TRAK2: variants seen among roughly 807,000 people sequenced by gnomAD.
The protein encoded by TRAK2 is trafficking kinesin protein 2, also known as trafficking kinesin-binding protein 2.
Under a neutral mutation model 104.6 loss-of-function variants are expected in TRAK2, and 81 were observed. The observed-to-expected ratio is 0.77, with a 90% CI of 0.65 to 0.93. The LOEUF (loss-of-function observed/expected upper bound fraction) is 0.93, where lower values mean the gene tolerates loss of function less well. Among genes scored for constraint, TRAK2 ranks in the 40% least tolerant of loss-of-function variants. The pLI is 0.00. For synonymous variants in TRAK2, 406 were observed against 394.4 expected (o/e 1.03, Z -0.35); for missense variants, 1,002 against 1,089.0 (o/e 0.92, Z 1.12).
At chr2:201,382,781 C>T (rs1951355674) in intron 15 of TRAK2, among the ~76,000 whole-genome samples, 2 of 152,148 alleles carry the variant, frequency 1.3e-5, no homozygotes, top group African/African-American at 4.8e-5. Context: ...GGATCATAAT[C>T]TTATTTCCCT....
At chr2:201,411,109 CAGA>C (rs1210466434) in intron 2 of TRAK2, 2 of 1,016,460 alleles carry the variant, frequency 2.0e-6, no homozygotes, top group African/African-American at 1.6e-5. Flanking sequence ...GTACTTGAAG[CAGA>C]AGGTTTAGGG....
intron 1 of TRAK2, among the ~76,000 whole-genome samples, chr2:201,434,697 A>G (rs1470303259): frequency 1.3e-5 from 2 of 152,258 alleles, no homozygotes; most frequent in Non-Finnish European, 2.9e-5. Flanking sequence ...AATAAGCAAT[A>G]TCAACATGTT....
At chr2:201,425,331 CA>C (rs1426465936) in intron 1 of TRAK2, among the ~76,000 whole-genome samples, 3 of 152,192 alleles carry the variant, frequency 2.0e-5, no homozygotes, top group Non-Finnish European at 4.4e-5. Context: ...GTAAACTAAA[CA>C]ACAGACTTCT....
chr2:201,407,796 G>T (rs1417069928), intron 2 of TRAK2, among the ~76,000 whole-genome samples, 199 bp from the exon 3 acceptor site: 1 of 151,262 alleles, frequency 6.6e-6, no homozygotes, highest in Non-Finnish European at 1.5e-5. Flanking sequence ...TTTAGTAAGA[G>T]AACTTCTAAA....
intron 1 of TRAK2, among the ~76,000 whole-genome samples, chr2:201,451,116 A>C (rs930034492): frequency 2.6e-5 from 4 of 152,226 alleles, no homozygotes; most frequent in African/African-American, 9.6e-5. Context: ...TCAGATGTGC[A>C]GCTGGGCTGA....
chr2:201,429,507 C>T (rs1356619952), intron 1 of TRAK2, among the ~76,000 whole-genome samples: 2 of 152,214 alleles, frequency 1.3e-5, no homozygotes, highest in East Asian at 1.9e-4. Flanking sequence ...ACCAATCACA[C>T]GTAGATTTGG....
At position 201,378,140 on chromosome 2, in the gene TRAK2, G is replaced by A. The variant is rs1186871307; in HGVS notation, c.*2403C>T. 6.6e-6 allele frequency: 1 copy of A among 152,026 alleles called. No homozygotes were observed. Among genetic ancestry groups the A allele is most frequent in the Non-Finnish European group, 1.5e-5 (1 of 68,000 alleles). The allele number at this position is 152,026 out of a possible 1,614,324, so 9.4% of individuals were successfully genotyped here. Reference sequence around the variant, plus strand: ...AGTTTTAAGACAGGATTCCTTTCTAGAGACATTACACAACAGTATACACTT... The same window carrying A: ...AGTTTTAAGACAGGATTCCTTTCTAAAGACATTACACAACAGTATACACTT... On this transcript the variant is annotated 3_prime_UTR_variant, in exon 16 of 16. Transcript: ENST00000332624.
At chr2:201,407,887 T>C (rs940746255) in intron 2 of TRAK2, among the ~76,000 whole-genome samples, 5 of 152,212 alleles carry the variant, frequency 3.3e-5, no homozygotes, top group Admixed American at 2.0e-4. Context: ...AATATATTTA[T>C]GGGGTACATG....
At chr2:201,430,055 G>C (rs186841955) in intron 1 of TRAK2, among the ~76,000 whole-genome samples, 74 of 152,284 alleles carry the variant, frequency 4.9e-4, no homozygotes, top group Admixed American at 1.2e-3. Flanking sequence ...ACAGTCAGGA[G>C]CCTCAGCTGC....
At chr2:201,383,309 G>T (rs1164384367) in intron 15 of TRAK2, among the ~76,000 whole-genome samples, 1 of 152,162 alleles carries the variant, frequency 6.6e-6, no homozygotes, top group Non-Finnish European at 1.5e-5. Flanking sequence ...ATCTTAGGGT[G>T]AGCCAGGCCA....
At chr2:201,399,331 TAA>T in intron 5 of TRAK2, 44 bp downstream of exon 5, 1 of 1,369,312 alleles carries the variant, frequency 7.3e-7, no homozygotes, top group Non-Finnish European at 1.0e-6. Context: ...TTCAATTGCA[TAA>T]AACCTAATTA....
intron 15 of TRAK2, 106 bp from the exon 16 acceptor site, chr2:201,381,324 T>G: frequency 9.4e-7 from 1 of 1,061,780 alleles, no homozygotes; most frequent in Non-Finnish European, 1.3e-6. Flanking sequence ...AAATATAAAG[T>G]AACAGGCAAC....
intron 2 of TRAK2, chr2:201,412,963 C>T (rs1951660906): frequency 1.3e-6 from 1 of 769,772 alleles, no homozygotes. Context: ...GTTCTGTACA[C>T]AACACCAAGC....
rs148327247 is a variant in TRAK2, at chr2:201,387,711, G to T, written c.1688C>A (p.Pro563His). 5.1e-5 allele frequency: 81 copies of T among 1,602,262 alleles called. No individual in the cohort carries two copies. The highest frequency in any genetic ancestry group is 6.5e-5 in the Non-Finnish European group (76 of 1,173,228). Reference sequence around the variant, plus strand: ...CCTTACTGATTTATTACCTTCAAGGGGCTTGACAATTTGTAATTTTTCTGG... The same window carrying T: ...CCTTACTGATTTATTACCTTCAAGGTGCTTGACAATTTGTAATTTTTCTGG... ...FMPEKLQIVKPLEGSQTLYHW... is the reference protein window; with the variant it reads ...FMPEKLQIVKHLEGSQTLYHW... The change falls in exon 13 of 16, where the codon CCC becomes CAC. Residue 563 changes from proline to histidine, a missense_variant. Pro to His is a moderately conservative substitution (Grantham distance 77). Transcript: ENST00000332624.
chr2:201,443,081 A>G (rs1041834395), intron 1 of TRAK2, among the ~76,000 whole-genome samples: 1 of 152,024 alleles, frequency 6.6e-6, no homozygotes, highest in Non-Finnish European at 1.5e-5. Flanking sequence ...TTATTTTATT[A>G]AAAACTACAA....
chr2:201,399,408 A>AG lies in TRAK2; in HGVS notation c.448dup (p.Leu150ProfsTer10). The AG allele has an allele frequency of 6.2e-7, 1 of 1,611,966 alleles. No individual in the cohort carries two copies. Among genetic ancestry groups the AG allele is most frequent in the Non-Finnish European group, 8.5e-7 (1 of 1,178,472 alleles). On this transcript the variant is annotated frameshift_variant, in exon 5 of 16. Transcript: ENST00000332624. LOFTEE classifies it high-confidence loss of function. The stretch of plus-strand genomic sequence containing the variant: ...AAAGGCTTGTCCCAATTGCTCCTCC[A>AG]GGGATTCGTTCTGCTCAGATAAGAC...
chr2:201,412,816 G>C, intron 2 of TRAK2: 1 of 961,256 alleles, frequency 1.0e-6, no homozygotes, highest in Non-Finnish European at 1.7e-6. Flanking sequence ...ATGCAAGAAT[G>C]ACAATCCTTT....
At chr2:201,416,144 T>G (rs1462892825) in intron 2 of TRAK2, among the ~76,000 whole-genome samples, 2 of 150,902 alleles carry the variant, frequency 1.3e-5, no homozygotes, top group Non-Finnish European at 2.9e-5. Flanking sequence ...TCCCAGCACT[T>G]TGGGAGGTCA....
chr2:201,412,575 G>A (rs1052513512), intron 2 of TRAK2: 47 of 1,367,324 alleles, frequency 3.4e-5, no homozygotes, highest in Non-Finnish European at 4.7e-5. Flanking sequence ...ATATATCACT[G>A]ACTGTTTCAC....
Sources: gnomAD v4.1 joint callset for allele counts (sites outside exome capture counted in the v4.1 genomes callset) on GRCh38, gnomAD v4.1.1 for gene constraint, MANE v1.5 for transcripts, NCBI Gene and HGNC (gene_info 2026-07-23, HGNC 2026-07-21) for gene names.